The following LRRC7 variants were observed in gnomAD, a reference collection of about 807,000 sequenced individuals.
LRRC7 encodes the protein leucine-rich repeat-containing protein 7.
A neutral mutation model predicts 175.7 loss-of-function variants in LRRC7; 23 were observed. That is an observed-to-expected ratio of 0.13 (90% CI 0.09 to 0.19). The LOEUF (loss-of-function observed/expected upper bound fraction) is 0.19. Ranked by LOEUF, LRRC7 falls within the 10% of genes least tolerant of loss-of-function variation. The probability of loss-of-function intolerance (pLI) is 1.00; values close to 1 mark genes in which losing one functional copy is unlikely to be tolerated. For synonymous variants in LRRC7, 685 were observed against 680.9 expected (o/e 1.01, Z -0.09); for missense variants, 1,354 against 1,904.7 (o/e 0.71, Z 5.38).
rs1336197115 is a variant in LRRC7, at chr1:69,774,905, G to C, written c.303+14512G>C. ...ACAAAGAAATACACGCACATCTTTA[G>C]AAATGTAGAAGAAAATACAAGAAGT... On this transcript the variant is annotated intron_variant, in intron 3 of 26. Transcript: ENST00000651989. Among the ~76,000 whole-genome samples the C allele has an allele frequency of 2.0e-5, 3 of 150,264 alleles. No homozygotes were observed. The East Asian group carries it at 5.8e-4, about 29-fold the overall frequency.
intron 2 of LRRC7, among the ~76,000 whole-genome samples, chr1:69,748,172 G>A (rs1238146889): frequency 6.6e-6 from 1 of 152,122 alleles, no homozygotes. Context: ...GAAGGCACAA[G>A]TACAGCCATC....
rs1675187439 is a variant in LRRC7 at position 69,792,046 on chromosome 1, T to C, written c.307T>C (p.Leu103=). 1.3e-6 allele frequency: 2 copies of C among 1,573,098 alleles called. 1 individual carries two copies. Among genetic ancestry groups the C allele is most frequent in the South Asian group, 2.3e-5 (2 of 87,794 alleles). Residue 103 remains leucine, a synonymous_variant, in exon 4 of 27, where the codon TTG becomes CTG. Coordinates refer to ENST00000651989, the MANE Select transcript of LRRC7 (RefSeq NM_001370785.2). Reference sequence around the variant, plus strand: ...TAATGATTATTTTCTATTACAGCAATTGTTCAACTGTCAAGCTCTACGAAA... The same window carrying C: ...TAATGATTATTTTCTATTACAGCAACTGTTCAACTGTCAAGCTCTACGAAA... ...ANQIEELPKQ[L]FNCQALRKLS...
intron 7 of LRRC7, among the ~76,000 whole-genome samples, chr1:69,838,633 C>T (rs1189570301): frequency 6.6e-6 from 1 of 151,802 alleles, no homozygotes; most frequent in Non-Finnish European, 1.5e-5. Flanking sequence ...CTTAATTCTT[C>T]AAGTTAATTT....
chr1:69,574,852 C>A (rs910963119), intron 1 of LRRC7, among the ~76,000 whole-genome samples: 1 of 152,100 alleles, frequency 6.6e-6, no homozygotes, highest in African/African-American at 2.4e-5. Flanking sequence ...AAAAAAATTT[C>A]TTCCCTATAT....
intron 1 of LRRC7, among the ~76,000 whole-genome samples, chr1:69,606,534 T>C (rs1647612358): frequency 6.6e-6 from 1 of 152,148 alleles, no homozygotes; most frequent in South Asian, 2.1e-4. Flanking sequence ...ATGATGTCAC[T>C]GTAATATGCA....
At chr1:69,979,514 T>C (rs1230543847) in intron 8 of LRRC7, among the ~76,000 whole-genome samples, 1 of 152,176 alleles carries the variant, frequency 6.6e-6, no homozygotes, top group Non-Finnish European at 1.5e-5. Flanking sequence ...TTAAAACATA[T>C]TCTAAAGTAT....
chr1:69,981,737 T>C (rs187695390), intron 9 of LRRC7, among the ~76,000 whole-genome samples: 54 of 152,312 alleles, frequency 3.5e-4, no homozygotes, highest in Admixed American at 1.3e-3. Flanking sequence ...TGTGCAAAGA[T>C]TGAAGAATCA....
chr1:69,991,474 C>T (rs1389766231), intron 10 of LRRC7, among the ~76,000 whole-genome samples: 2 of 152,114 alleles, frequency 1.3e-5, no homozygotes, highest in South Asian at 2.1e-4. Context: ...TGTATTTATA[C>T]ATCTGCAGAG....
At chr1:69,721,427 A>G (rs1570505732) in intron 2 of LRRC7, among the ~76,000 whole-genome samples, 1 of 147,516 alleles carries the variant, frequency 6.8e-6, no homozygotes, top group Middle Eastern at 3.4e-3. Context: ...TAATTTTGTC[A>G]TCTCCAGAAT....
chr1:69,576,475 A>T (rs1438154420), intron 1 of LRRC7, among the ~76,000 whole-genome samples: 1 of 152,202 alleles, frequency 6.6e-6, no homozygotes, highest in Non-Finnish European at 1.5e-5. Flanking sequence ...ATGATTATAA[A>T]GCATTTTTGA....
intron 4 of LRRC7, among the ~76,000 whole-genome samples, chr1:69,800,739 T>A (rs1208503400): frequency 6.6e-6 from 1 of 151,968 alleles, no homozygotes; most frequent in Non-Finnish European, 1.5e-5. Context: ...TTCTTTCTCT[T>A]GGTTGAATAC....
At position 70,028,305 on chromosome 1, in the gene LRRC7, G is replaced by A. The variant is rs1658341382; in HGVS notation, c.1929G>A (p.Thr643=). 1.2e-6 allele frequency: 2 copies of A among 1,613,686 alleles called. No individual in the cohort carries two copies. The highest frequency in any genetic ancestry group is 1.7e-6 in the Non-Finnish European group (2 of 1,179,758). ...AGAATTCAAATCCAACTGCTAACAC[G>A]GAGCAAACTGTGAAAGAAAAATATG... ...RVENSNPTAN[T]EQTVKEKYEH... is the part of the protein sequence containing the mutation. Residue 643 remains threonine (T), a synonymous_variant, in exon 18 of 27, where the codon ACG becomes ACA. Transcript: ENST00000651989.
rs192342069 is a variant in LRRC7, at chr1:70,138,115, T to C, written c.*16228T>C. 1.2e-4 allele frequency: 18 copies of C among 152,334 alleles called. No homozygotes were observed. In the East Asian group the frequency reaches 3.5e-3, roughly 29 times the overall value. 9.4% of individuals were successfully genotyped at this position (152,334 alleles called of 1,614,324 possible). On this transcript the variant is annotated 3_prime_UTR_variant, in exon 27 of 27. Coordinates refer to ENST00000651989, the MANE Select transcript of LRRC7 (RefSeq NM_001370785.2). The stretch of plus-strand genomic sequence containing the variant: ...TGTTTGGTTTTTCCTTGTAGAAACT[T>C]AGTGTCATTGCGCATCAACTTAGAA...
At chr1:69,580,413 A>G (rs960869377) in intron 1 of LRRC7, among the ~76,000 whole-genome samples, 2 of 152,194 alleles carry the variant, frequency 1.3e-5, no homozygotes, top group African/African-American at 4.8e-5. Context: ...AGAAAATTTT[A>G]TAAGTCTTAA....
At chr1:70,058,677 T>C (rs1242930874) in intron 23 of LRRC7, among the ~76,000 whole-genome samples, 1 of 152,246 alleles carries the variant, frequency 6.6e-6, no homozygotes, top group Non-Finnish European at 1.5e-5. Flanking sequence ...GCACTATTAT[T>C]TTGTTAAAGA....
chr1:69,676,697 A>G (rs907673759), intron 1 of LRRC7, among the ~76,000 whole-genome samples: 3 of 152,164 alleles, frequency 2.0e-5, no homozygotes, highest in African/African-American at 7.2e-5. Flanking sequence ...AATCACAATT[A>G]TTAGAATTTA....
At chr1:69,577,496 G>C (rs898829362) in intron 1 of LRRC7, among the ~76,000 whole-genome samples, 16 of 152,208 alleles carry the variant, frequency 1.1e-4, no homozygotes, top group African/African-American at 3.1e-4. Flanking sequence ...TTTCTTCTAG[G>C]GTTTTTATGG....
rs114662166 is a variant in LRRC7 at position 70,071,847 on chromosome 1, C to T, written c.4231-4230C>T. On this transcript the variant is annotated intron_variant, in intron 23 of 26. Coordinates refer to ENST00000651989, the MANE Select transcript of LRRC7 (RefSeq NM_001370785.2). ...TAACATAATATACTTCTTAGTCTAA[C>T]ACTCTTTTTTAAAAGACCAGTGTAA... 2.9e-3 allele frequency among the ~76,000 whole-genome samples: 443 copies of T among 152,240 alleles called. 3 individuals are homozygous for T. The highest frequency in any genetic ancestry group is 0.01 in the African/African-American group (434 of 41,536).
intron 2 of LRRC7, among the ~76,000 whole-genome samples, chr1:69,725,130 T>C (rs997725598): frequency 6.6e-6 from 1 of 152,100 alleles, no homozygotes; most frequent in African/African-American, 2.4e-5. Context: ...ATTCTTATGA[T>C]ATGGCCAGAA....
Sources: gnomAD v4.1 joint callset for allele counts (sites outside exome capture counted in the v4.1 genomes callset) on GRCh38, gnomAD v4.1.1 for gene constraint, MANE v1.5 for transcripts, NCBI Gene and HGNC (gene_info 2026-07-23, HGNC 2026-07-21) for gene names.